AHCYL1: variants seen among roughly 807,000 people sequenced by gnomAD.
AHCYL1 encodes adenosylhomocysteinase like 1.
AHCYL1 carries 20 observed loss-of-function variants against 79.3 expected under a neutral mutation model. The ratio of observed to expected loss-of-function variants is 0.25; its 90% CI spans 0.18 to 0.37. The LOEUF (loss-of-function observed/expected upper bound fraction) is 0.37, where lower values mean the gene tolerates loss of function less well. AHCYL1 is among the 10% of genes least tolerant of loss of function. AHCYL1 has a pLI of 1.00. For synonymous variants in AHCYL1, 223 were observed against 242.2 expected (o/e 0.92, Z 0.74); for missense variants, 330 against 673.6 (o/e 0.49, Z 5.65).
chr1:109,987,428 T>C (rs1649526942), intron 1 of AHCYL1, among the ~76,000 whole-genome samples: 1 of 152,240 alleles, frequency 6.6e-6, no homozygotes. Flanking sequence ...ATGAGAATTC[T>C]ACCCTGGCTC....
At position 109,997,599 on chromosome 1, in the gene AHCYL1, T is replaced by C. The variant is rs571700351; in HGVS notation, c.121-11435T>C. 1.5e-3 allele frequency among the ~76,000 whole-genome samples: 229 copies of C among 152,310 alleles called. 1 individual carries two copies. The highest frequency in any genetic ancestry group is 3.0e-3 in the Non-Finnish European group (202 of 68,030). On this transcript the variant is annotated intron_variant, in intron 1 of 16. Coordinates refer to ENST00000369799, the MANE Select transcript of AHCYL1 (RefSeq NM_006621.7). ...TTTGCCTTAACATTTATACCAACGT[T>C]AATATATCTCTGTTGCTGGAAAAGT...
At chr1:109,997,655 C>G (rs1229646013) in intron 1 of AHCYL1, among the ~76,000 whole-genome samples, 1 of 152,138 alleles carries the variant, frequency 6.6e-6, no homozygotes, top group Non-Finnish European at 1.5e-5. Context: ...TGGCCAAACC[C>G]TGCCTGAGGG....
At chr1:110,001,120 T>C (rs187865309) in intron 1 of AHCYL1, 1 of 230,142 alleles carries the variant, frequency 4.3e-6, no homozygotes, top group East Asian at 1.8e-4. Context: ...TTGTAAAATA[T>C]TTAGATCAGT....
chr1:110,016,850 TG>T, intron 9 of AHCYL1, 120 bp downstream of exon 9: 1 of 1,091,154 alleles, frequency 9.2e-7, no homozygotes, highest in Non-Finnish European at 1.3e-6. Context: ...TTTTAGATAA[TG>T]TATCTCAAAC....
chr1:110,019,117 C>G lies in AHCYL1; in HGVS notation c.1384C>G (p.Gln462Glu). The G allele has an allele frequency of 6.2e-7, 1 of 1,614,138 alleles. No individual in the cohort carries two copies. Among genetic ancestry groups the G allele is most frequent in the Non-Finnish European group, 8.5e-7 (1 of 1,180,026 alleles). ...TGTTCTGTCCATCACAGCCACAACACAGGTATGTGGCAAAATGCCTGCTTA... is the reference window on the plus strand; with the variant it reads ...TGTTCTGTCCATCACAGCCACAACAGAGGTATGTGGCAAAATGCCTGCTTA... Reference protein sequence around the residue: ...TFVLSITATTQALALIELYNA... With the variant: ...TFVLSITATTEALALIELYNA... Residue 462 changes from glutamine (Q) to glutamate (E), a missense_variant and splice_region_variant, in exon 14 of 17, where the codon CAG becomes GAG. Transcript: ENST00000369799.
At position 110,003,479 on chromosome 1, in the gene AHCYL1, G is replaced by A. The variant is rs542264309; in HGVS notation, c.121-5555G>A. Among the ~76,000 whole-genome samples the A allele has an allele frequency of 7.2e-5, 11 of 151,968 alleles. No homozygotes were observed. In the East Asian group the frequency reaches 1.9e-3, roughly 27 times the overall value. ...ATTATAATAAAGTTGGAAAAGTAAA[G>A]TACAACAATGGTGCTAGCGAGTGGG... On this transcript the variant is annotated intron_variant, in intron 1 of 16. Coordinates refer to ENST00000369799, the MANE Select transcript of AHCYL1 (RefSeq NM_006621.7).
chr1:110,014,922 T>C (rs749256401), intron 6 of AHCYL1, 65 bp downstream of exon 6: 65 of 1,459,792 alleles, frequency 4.5e-5, no homozygotes, highest in Non-Finnish European at 6.0e-5. Context: ...CCTCAAAGCA[T>C]GGTTCCCTAA....
chr1:110,019,593 A>G lies in AHCYL1; in HGVS notation c.1432A>G (p.Lys478Glu). ...CTATAATGCACCCGAGGGGCGATAC[A>G]AGCAGGATGTGTACTTGCTTCCTAA... Reference protein sequence around the residue: ...ELYNAPEGRYKQDVYLLPKKM... With the variant: ...ELYNAPEGRYEQDVYLLPKKM... The change falls in exon 15 of 17, where the codon AAG becomes GAG. Residue 478 changes from lysine (K) to glutamate (E), a missense_variant. Physicochemically the swap from Lys to Glu is moderately conservative, Grantham distance 56. This residue lies in a region of AHCYL1 where 119 missense variants were observed against 293.3 expected (regional missense o/e 0.41). Coordinates refer to ENST00000369799, the MANE Select transcript of AHCYL1 (RefSeq NM_006621.7). 6.2e-7 allele frequency: 1 copy of G among 1,613,544 alleles called. No individual in the cohort carries two copies. The highest frequency in any genetic ancestry group is 8.5e-7 in the Non-Finnish European group (1 of 1,179,932).
chr1:110,022,156 T>C lies in AHCYL1; in HGVS notation c.*476T>C, dbSNP rs1275834382. 4 of 156,124 alleles carry C rather than the reference T, an allele frequency of 2.6e-5. No individual in the cohort carries two copies. The highest frequency in any genetic ancestry group is 4.2e-5 in the Non-Finnish European group (3 of 70,642). 9.7% of individuals were successfully genotyped at this position (156,124 alleles called of 1,614,324 possible). Reference sequence around the variant, plus strand: ...TTAGATGTGGGTGGTGCATGTTAATTTCCCTTAGAAGTTCCAAGCCCTGTT... The same window carrying C: ...TTAGATGTGGGTGGTGCATGTTAATCTCCCTTAGAAGTTCCAAGCCCTGTT... On this transcript the variant is annotated 3_prime_UTR_variant, in exon 17 of 17. Transcript: ENST00000369799.
In AHCYL1 at chr1:110,022,755, G is replaced by A. The variant is rs1033679817; in HGVS notation, c.*1075G>A. 1 of 152,588 alleles carries A rather than the reference G, an allele frequency of 6.6e-6. No individual in the cohort carries two copies. Among genetic ancestry groups the A allele is most frequent in the Non-Finnish European group, 1.5e-5 (1 of 68,030 alleles). 9.5% of individuals were successfully genotyped at this position (152,588 alleles called of 1,614,324 possible). Reference sequence around the variant, plus strand: ...TAAAGGGAGGTAGGTGTGGGCAGGAGGAGGAATGATAAATTGGGCCAGGGC... The same window carrying A: ...TAAAGGGAGGTAGGTGTGGGCAGGAAGAGGAATGATAAATTGGGCCAGGGC... On this transcript the variant is annotated 3_prime_UTR_variant, in exon 17 of 17. Coordinates refer to ENST00000369799, the MANE Select transcript of AHCYL1 (RefSeq NM_006621.7).
At chr1:110,004,999 G>A (rs1244410901) in intron 1 of AHCYL1, among the ~76,000 whole-genome samples, 1 of 150,850 alleles carries the variant, frequency 6.6e-6, no homozygotes. Flanking sequence ...CTTTTTTTTT[G>A]CTCAGTTGCT....
At chr1:110,017,401 A>G (rs1651486844) in intron 9 of AHCYL1, 94 bp from the exon 10 acceptor site, 2 of 1,167,682 alleles carry the variant, frequency 1.7e-6, no homozygotes, top group African/African-American at 1.5e-5. Context: ...AGGCTATTTC[A>G]TGAAGGTTAA....
At chr1:109,993,343 A>G (rs886717434) in intron 1 of AHCYL1, among the ~76,000 whole-genome samples, 1 of 152,198 alleles carries the variant, frequency 6.6e-6, no homozygotes, top group African/African-American at 2.4e-5. Flanking sequence ...GACTGACCTG[A>G]TATTTGAATT....
At chr1:110,012,509 G>T (rs1282369520) in intron 4 of AHCYL1, 47 bp downstream of exon 4, 3 of 1,462,170 alleles carry the variant, frequency 2.1e-6, no homozygotes, top group Admixed American at 2.4e-5. Context: ...GGGGAAGAAA[G>T]AAATCAATTT....
chr1:109,986,208 CT>C (rs1256824232), intron 1 of AHCYL1, among the ~76,000 whole-genome samples: 2 of 152,176 alleles, frequency 1.3e-5, no homozygotes. Context: ...ACAAAGCTGT[CT>C]CTGCCTGCAT....
chr1:110,014,726 A>G, intron 5 of AHCYL1, 37 bp from the exon 6 acceptor site: 2 of 1,522,300 alleles, frequency 1.3e-6, no homozygotes, highest in East Asian at 4.5e-5. Context: ...GACACTCCTC[A>G]AAGGAGGAAT....
Position 109,985,168 on chromosome 1 carries a change from A to G in AHCYL1, c.116A>G (p.Lys39Arg). ...SFMATVTKAP[K>R]KQIQFADDMQ... The stretch of plus-strand genomic sequence containing the variant: ...ATGGCCACCGTCACCAAGGCGCCCA[A>G]GAAGGTGCGGGGGCTCTGGGTGGCG... Residue 39 changes from lysine (K) to arginine (R), a missense_variant, in exon 1 of 17, where the codon AAG (lysine) becomes AGG (arginine). This residue lies in a region of AHCYL1 where 66 missense variants were observed against 68.0 expected (regional missense o/e 0.97). Coordinates refer to ENST00000369799, the MANE Select transcript of AHCYL1 (RefSeq NM_006621.7). The G allele has an allele frequency of 6.2e-7, 1 of 1,607,928 alleles. No homozygotes were observed. Among genetic ancestry groups the G allele is most frequent in the Non-Finnish European group, 8.5e-7 (1 of 1,177,588 alleles).
intron 3 of AHCYL1, 33 bp from the exon 4 acceptor site, chr1:110,012,329 C>T: frequency 6.3e-7 from 1 of 1,593,182 alleles, no homozygotes; most frequent in Non-Finnish European, 8.6e-7. Context: ...ACTGCTAGTG[C>T]AGACCTAGCT....
intron 7 of AHCYL1, among the ~76,000 whole-genome samples, 197 bp from the exon 8 acceptor site, chr1:110,016,147 G>T (rs1206614106): frequency 6.6e-6 from 1 of 152,024 alleles, no homozygotes; most frequent in Non-Finnish European, 1.5e-5. Context: ...CCAAAAAAGG[G>T]GTAAAGGGAG....
Sources: gnomAD v4.1 joint callset for allele counts (sites outside exome capture counted in the v4.1 genomes callset) on GRCh38, gnomAD v4.1.1 for gene constraint, gnomAD v4.1.1 regional missense constraint, MANE v1.5 for transcripts, NCBI Gene and HGNC (gene_info 2026-07-23, HGNC 2026-07-21) for gene names.